The following ETFB variants were observed in gnomAD, a reference collection of about 807,000 sequenced individuals.
ETFB encodes electron transfer flavoprotein subunit beta.
A neutral mutation model predicts 25.6 loss-of-function variants in ETFB; 20 were observed. The observed-to-expected ratio is 0.78, with a 90% CI of 0.55 to 1.14. ETFB has a LOEUF of 1.14. ETFB is among the 50% of genes most tolerant of loss of function. ETFB has a pLI of 0.00. For synonymous variants in ETFB, 142 were observed against 146.7 expected, an observed-to-expected ratio of 0.97 and a Z score of 0.23; for missense variants, 286 against 342.6, an observed-to-expected ratio of 0.83 and a Z score of 1.30.
chr19:51,363,389 C>T (rs1986277232), intron 1 of ETFB, among the ~76,000 whole-genome samples: 2 of 152,164 alleles, frequency 1.3e-5, no homozygotes, highest in Admixed American at 6.5e-5. Context: ...ACCAAGGCAA[C>T]CTGAGGGTGT....
At chr19:51,366,209 C>A in intron 1 of ETFB, 61 bp downstream of exon 1, 1 of 1,537,648 alleles carries the variant, frequency 6.5e-7, no homozygotes, top group Non-Finnish European at 9.0e-7. Flanking sequence ...AGTGTGCGCT[C>A]GTGGCCCCGG....
At chr19:51,357,081 T>G (rs1047027121) in intron 1 of ETFB, 2 of 151,736 alleles carry the variant, frequency 1.3e-5, no homozygotes, top group Non-Finnish European at 2.9e-5. Context: ...AATTTCTTTT[T>G]TTTTTTTTTT....
chr19:51,355,531 T>C (rs1452500937), intron 1 of ETFB: 1 of 152,198 alleles, frequency 6.6e-6, no homozygotes, highest in African/African-American at 2.4e-5. Flanking sequence ...GAAGTCGGTG[T>C]GGTGATTCCT....
At chr19:51,350,120 G>A (rs1257563975) in intron 4 of ETFB, 18 of 554,142 alleles carry the variant, frequency 3.2e-5, no homozygotes, top group African/African-American at 1.9e-5. Context: ...GTGGGCATGA[G>A]TATTTCACGT....
At chr19:51,361,364 G>A (rs1158611838) in intron 1 of ETFB, among the ~76,000 whole-genome samples, 2 of 152,178 alleles carry the variant, frequency 1.3e-5, no homozygotes, top group Non-Finnish European at 2.9e-5. Context: ...CACTCAGCAA[G>A]CAGGACAGCC....
intron 1 of ETFB, among the ~76,000 whole-genome samples, chr19:51,358,892 A>G (rs1385294450): frequency 1.3e-5 from 2 of 151,534 alleles, no homozygotes; most frequent in Non-Finnish European, 2.9e-5. Flanking sequence ...CCAGCTACTC[A>G]GGAGGCTGAG....
At chr19:51,364,568 C>T (rs1049061413) in intron 1 of ETFB, among the ~76,000 whole-genome samples, 2 of 152,146 alleles carry the variant, frequency 1.3e-5, no homozygotes. Flanking sequence ...CCCAGACATG[C>T]CAGGCGTGGA....
At chr19:51,354,670 T>A in intron 1 of ETFB, 1 of 1,604,590 alleles carries the variant, frequency 6.2e-7, no homozygotes, top group East Asian at 2.2e-5. Context: ...TATAAATACA[T>A]AATACACTGA....
At chr19:51,356,763 AG>A (rs1986089501) in intron 1 of ETFB, 1 of 152,202 alleles carries the variant, frequency 6.6e-6, no homozygotes, top group Admixed American at 6.5e-5. Flanking sequence ...TCTGGAGGCC[AG>A]AAGTCCAAAG....
chr19:51,356,453 A>G (rs1454578913), intron 1 of ETFB: 1 of 152,176 alleles, frequency 6.6e-6, no homozygotes, highest in Non-Finnish European at 1.5e-5. Context: ...ATGATCACAC[A>G]TGGTCACAAC....
chr19:51,346,784 T>C (rs1430208840), intron 5 of ETFB, 116 bp downstream of exon 5: 3 of 1,036,962 alleles, frequency 2.9e-6, no homozygotes, highest in East Asian at 2.6e-5. Flanking sequence ...GACGGCTTCC[T>C]GTGCACGAGA....
At chr19:51,361,705 T>TG (rs1353359896) in intron 1 of ETFB, 1 of 143,086 alleles carries the variant, frequency 7.0e-6, no homozygotes, top group African/African-American at 2.6e-5. Flanking sequence ...GGGTTTTTTT[T>TG]TTTTTTTTTT....
At chr19:51,363,574 G>C (rs112410385) in intron 1 of ETFB, among the ~76,000 whole-genome samples, 1 of 151,824 alleles carries the variant, frequency 6.6e-6, no homozygotes, top group African/African-American at 2.4e-5. Context: ...TCAGCCTCCC[G>C]AGTAGCTGGG....
intron 1 of ETFB, chr19:51,355,542 C>T (rs1175172513): frequency 1.3e-5 from 2 of 152,160 alleles, no homozygotes; most frequent in Non-Finnish European, 2.9e-5. Context: ...GGTGATTCCT[C>T]AGGGATCTAG....
intron 4 of ETFB, chr19:51,348,578 G>A (rs1014095823): frequency 6.6e-6 from 1 of 152,074 alleles, no homozygotes. Context: ...AACATAGTGA[G>A]ACCCCCATCT....
rs1409846302 is a variant in ETFB, at chr19:51,355,930, C to T, written c.58-1622G>A. The T allele has an allele frequency of 1.4e-4, 14 of 103,658 alleles. No individual in the cohort carries two copies. The East Asian group carries it at 1.6e-3, about 12-fold the overall frequency. The allele number at this position is 103,658 out of a possible 1,614,324, so 6.4% of individuals were successfully genotyped here. On this transcript the variant is annotated intron_variant, in intron 1 of 5. Coordinates refer to ENST00000309244, the MANE Select transcript of ETFB (RefSeq NM_001985.3). ...ACACAGGAAGGGGAACATCACACAC[C>T]GGGGACTGTCGTGGGGTGGGGGGAG... is the stretch of plus-strand genomic sequence containing the variant.
rs1427165611 is a variant in ETFB at position 51,346,954 on chromosome 19, C to T, written c.543G>A (p.Val181=). Reference sequence around the variant, plus strand: ...GCTCGTTGAGCCTCAGGTCAGCTGTCACCACAGCTGGCAGCTTCAGGCGCA... The same window carrying T: ...GCTCGTTGAGCCTCAGGTCAGCTGTTACCACAGCTGGCAGCTTCAGGCGCA... ...ETLRLKLPAV[V]TADLRLNEPR... The change falls in exon 5 of 6, where the codon GTG becomes GTA. Residue 181 remains valine (V), a synonymous_variant. Transcript: ENST00000309244. 2 of 1,596,236 alleles carry T rather than the reference C, an allele frequency of 1.3e-6. No homozygotes were observed. The highest frequency in any genetic ancestry group is 1.7e-6 in the Non-Finnish European group (2 of 1,171,382).
chr19:51,359,190 C>T (rs1266032361), intron 1 of ETFB, among the ~76,000 whole-genome samples: 7 of 151,568 alleles, frequency 4.6e-5, no homozygotes, highest in Non-Finnish European at 1.0e-4. Context: ...TAGCTGGGAC[C>T]ACAGGCGGGC....
chr19:51,346,669 C>A, intron 5 of ETFB: 1 of 561,590 alleles, frequency 1.8e-6, no homozygotes, highest in Non-Finnish European at 3.2e-6. Context: ...TTTCTACTGG[C>A]CTAGATACCA....
Sources: gnomAD v4.1 joint callset for allele counts (sites outside exome capture counted in the v4.1 genomes callset) on GRCh38, gnomAD v4.1.1 for gene constraint, MANE v1.5 for transcripts, NCBI Gene and HGNC (gene_info 2026-07-23, HGNC 2026-07-21) for gene names.